NLRC5: variants seen among roughly 807,000 people sequenced by gnomAD.
The protein encoded by NLRC5 is protein NLRC5.
Under a neutral mutation model 206.9 loss-of-function variants are expected in NLRC5, and 114 were observed. The ratio of observed to expected loss-of-function variants is 0.55; its 90% CI spans 0.47 to 0.64. The LOEUF is 0.64. Ranked by LOEUF, NLRC5 falls within the 30% of genes least tolerant of loss-of-function variation. NLRC5 has a pLI of 0.00. For missense variants in NLRC5, 2,008 were observed against 2,305.5 expected, an observed-to-expected ratio of 0.87 and a Z score of 2.64; for synonymous variants, 952 against 962.8, an observed-to-expected ratio of 0.99 and a Z score of 0.21.
At chr16:57,021,115 C>G (rs2060623146) in intron 3 of NLRC5, 108 bp downstream of exon 3, 1 of 943,844 alleles carries the variant, frequency 1.1e-6, no homozygotes, top group Non-Finnish European at 1.6e-6. Flanking sequence ...TGTAGCCCAG[C>G]CACGATCTCA....
At chr16:57,031,712 T>C (rs763428901) in intron 11 of NLRC5, among the ~76,000 whole-genome samples, 3 of 148,722 alleles carry the variant, frequency 2.0e-5, no homozygotes, top group African/African-American at 5.0e-5. Flanking sequence ...AGGCAAACCC[T>C]TGGGGAGAAC....
chr16:57,014,534 G>T (rs1481001958), intron 1 of NLRC5, among the ~76,000 whole-genome samples: 2 of 152,148 alleles, frequency 1.3e-5, no homozygotes, highest in Non-Finnish European at 2.9e-5. Flanking sequence ...AAATATTTAA[G>T]GCATATAAAT....
In NLRC5 at chr16:57,020,910, G is replaced by T. The variant is rs190154357; in HGVS notation, c.198G>T (p.Ser66=). 6 of 1,613,842 alleles carry T rather than the reference G, an allele frequency of 3.7e-6. No individual in the cohort carries two copies. In the South Asian group the frequency reaches 6.6e-5, roughly 18 times the overall value. The part of the protein sequence containing the change: ...LQLNKLHVQG[S]DTWQSFIHCV... Reference sequence around the variant, plus strand: ...TCAACAAGCTGCATGTCCAGGGTTCGGACACCTGGCAGTCTTTCATTCATT... The same window carrying T: ...TCAACAAGCTGCATGTCCAGGGTTCTGACACCTGGCAGTCTTTCATTCATT... Residue 66 remains serine, a synonymous_variant, in exon 3 of 49, where the codon TCG becomes TCT. Transcript: ENST00000688547.
intron 30 of NLRC5, among the ~76,000 whole-genome samples, chr16:57,060,437 G>A (rs780883293): frequency 8.7e-5 from 13 of 149,904 alleles, no homozygotes; most frequent in Non-Finnish European, 1.5e-4. Context: ...CACACAGCAC[G>A]CAGCACACAC....
At chr16:57,017,006 C>G (rs2060169096) in intron 1 of NLRC5, 68 bp from the exon 2 acceptor site, 1 of 152,916 alleles carries the variant, frequency 6.5e-6, no homozygotes, top group African/African-American at 2.4e-5. Context: ...AGGGCTGGTG[C>G]CTGGTTTACA....
rs776638344 is a variant in NLRC5, at chr16:57,066,628, C to A, written c.4322+14C>A. The A allele has an allele frequency of 6.2e-6, 10 of 1,609,640 alleles. No homozygotes were observed. The East Asian group carries it at 2.2e-4, about 36-fold the overall frequency. Reference sequence around the variant, plus strand: ...TGTGGCACTCAGGTGGGACCCAGCACCAGGGACCCCAAGGCAGGGGCTGGT... The same window carrying A: ...TGTGGCACTCAGGTGGGACCCAGCAACAGGGACCCCAAGGCAGGGGCTGGT... On this transcript the variant is annotated intron_variant, in intron 34 of 48. Coordinates refer to ENST00000688547, the MANE Select transcript of NLRC5 (RefSeq NM_001384950.1).
Position 57,026,293 on chromosome 16 carries a change from G to A in NLRC5, c.1350G>A (p.Gly450=). 6.2e-7 allele frequency: 1 copy of A among 1,614,042 alleles called. No individual in the cohort carries two copies. Among genetic ancestry groups the A allele is most frequent in the South Asian group, 1.1e-5 (1 of 91,088 alleles). Residue 450 remains glycine, a synonymous_variant, in exon 6 of 49, where the codon GGG becomes GGA. Coordinates refer to ENST00000688547, the MANE Select transcript of NLRC5 (RefSeq NM_001384950.1). ...TGGTGCTCGCCCTCAGCCCCCCTGGGCACTTGCCCACCTCGTCCCTACTGG... is the reference window on the plus strand; with the variant it reads ...TGGTGCTCGCCCTCAGCCCCCCTGGACACTTGCCCACCTCGTCCCTACTGG... The part of the protein sequence containing the change: ...MQMVLALSPP[G]HLPTSSLLDL...
chr16:57,038,850 G>A (rs1233010170), intron 15 of NLRC5, among the ~76,000 whole-genome samples: 7 of 151,148 alleles, frequency 4.6e-5, no homozygotes, highest in Non-Finnish European at 7.4e-5. Context: ...CAGGAGAATC[G>A]CTGGAACCTG....
At chr16:57,001,085 C>CG (rs1195743144) in intron 1 of NLRC5, among the ~76,000 whole-genome samples, 7 of 152,300 alleles carry the variant, frequency 4.6e-5, no homozygotes, top group South Asian at 2.1e-4. Context: ...CAGCCATTCC[C>CG]GGGGGGAAGG....
At chr16:57,060,361 A>G (rs1265418361) in intron 30 of NLRC5, among the ~76,000 whole-genome samples, 1 of 151,328 alleles carries the variant, frequency 6.6e-6, no homozygotes, top group African/African-American at 2.4e-5. Flanking sequence ...CACCTCCCCC[A>G]CACCACACAC....
intron 13 of NLRC5, among the ~76,000 whole-genome samples, chr16:57,035,642 A>G (rs1456488778): frequency 2.0e-5 from 3 of 152,220 alleles, no homozygotes; most frequent in African/African-American, 7.2e-5. Context: ...TAGCTTAAGC[A>G]ACAAATAAGC....
chr16:57,031,584 A>G, intron 11 of NLRC5, 121 bp downstream of exon 11: 1 of 870,104 alleles, frequency 1.1e-6, no homozygotes, highest in South Asian at 1.4e-5. Flanking sequence ...TCTTCCTGCT[A>G]CTGCTGCACT....
chr16:57,059,317 T>C, intron 29 of NLRC5, 150 bp from the exon 30 acceptor site: 1 of 1,469,994 alleles, frequency 6.8e-7, no homozygotes, highest in Non-Finnish European at 9.0e-7. Context: ...CAGAATGAGT[T>C]TGGGGGTCTC....
At chr16:57,046,104 G>A (rs1173313506) in intron 21 of NLRC5, among the ~76,000 whole-genome samples, 4 of 152,204 alleles carry the variant, frequency 2.6e-5, no homozygotes. Context: ...CAGATGGGCT[G>A]TCAGGAGTCA....
chr16:57,041,306 C>T, intron 17 of NLRC5, 179 bp from the exon 18 acceptor site: 1 of 584,794 alleles, frequency 1.7e-6, no homozygotes, highest in Non-Finnish European at 3.1e-6. Context: ...TATGTGACAT[C>T]CTGTGGGTGT....
chr16:57,067,156 C>T (rs1164460261), intron 34 of NLRC5, among the ~76,000 whole-genome samples: 2 of 152,236 alleles, frequency 1.3e-5, no homozygotes, highest in African/African-American at 4.8e-5. Context: ...TCAGCCTCAC[C>T]TCACCTCCTC....
At chr16:57,059,668 T>C in intron 30 of NLRC5, 136 bp downstream of exon 30, 2 of 795,644 alleles carry the variant, frequency 2.5e-6, no homozygotes, top group Non-Finnish European at 1.9e-6. Flanking sequence ...CCTGGGTCTG[T>C]TCCTCCAGAT....
At chr16:57,082,375 A>G (rs27195) in intron 48 of NLRC5, 42 bp from the exon 49 acceptor site, 1,128,960 of 1,469,448 alleles carry the variant, frequency 0.77, 435,022 homozygotes, top group East Asian at 0.88. Context: ...ACAGATGGCA[A>G]AGATGGGAGG....
chr16:57,055,218 C>A (rs1167512), intron 26 of NLRC5, 124 bp downstream of exon 26: 249,296 of 1,079,618 alleles, frequency 0.23, 29,826 homozygotes, highest in East Asian at 0.34. Context: ...AACAACCCTG[C>A]AGAGGGACTT....
Sources: allele counts gnomAD v4.1 joint callset (sites outside exome capture counted in the v4.1 genomes callset), GRCh38; gene constraint gnomAD v4.1.1; transcripts MANE v1.5; gene names NCBI Gene and HGNC (gene_info 2026-07-23, HGNC 2026-07-21).